The following TENM3 variants were observed in gnomAD, a reference collection of about 807,000 sequenced individuals.
The protein encoded by TENM3 is teneurin transmembrane protein 3.
Under a neutral mutation model 255.1 loss-of-function variants are expected in TENM3, and 63 were observed. The ratio of observed to expected loss-of-function variants is 0.25; its 90% CI spans 0.20 to 0.30. The LOEUF (loss-of-function observed/expected upper bound fraction) is 0.30. Ranked by LOEUF, TENM3 falls within the 10% of genes least tolerant of loss-of-function variation. TENM3 has a pLI of 1.00. For missense variants in TENM3, 2,929 were observed against 3,461.1 expected (o/e 0.85, Z 3.86); for synonymous variants, 1,306 against 1,322.3 (o/e 0.99, Z 0.27).
At chr4:182,758,620 A>C (rs1325509387) in intron 22 of TENM3, among the ~76,000 whole-genome samples, 1 of 152,166 alleles carries the variant, frequency 6.6e-6, no homozygotes, top group Non-Finnish European at 1.5e-5. Flanking sequence ...CGACTCCCAG[A>C]ATATTAGTAC....
the TENM3 span, among the ~76,000 whole-genome samples, chr4:182,070,069 A>G: frequency 4.6e-5 from 7 of 152,170 alleles, no homozygotes; most frequent in Non-Finnish European, 7.3e-5. Flanking sequence ...GTGTGGAGAT[A>G]CAGAGGCATG....
chr4:182,325,760 T>A (rs942355273), intron 2 of TENM3, among the ~76,000 whole-genome samples: 2 of 151,584 alleles, frequency 1.3e-5, no homozygotes, highest in African/African-American at 2.4e-5. Flanking sequence ...AATAAAAAAA[T>A]TAAAAAAACC....
chr4:182,294,093 T>A lies in TENM3; in HGVS notation c.-75-29853T>A, dbSNP rs187950002. On this transcript the variant is annotated intron_variant, in intron 1 of 27. Coordinates refer to ENST00000511685, the MANE Select transcript of TENM3 (RefSeq NM_001080477.4). ...GAAGCATTGGAGTCAGCATCACAGA[T>A]CCCTACCATCTGCGTCTCTGCCTTT... Among the ~76,000 whole-genome samples, 188 of 151,880 alleles carry A rather than the reference T, an allele frequency of 1.2e-3. 3 individuals carry two copies. In the Middle Eastern group the frequency reaches 0.017, roughly 14 times the overall value.
intron 5 of TENM3, among the ~76,000 whole-genome samples, chr4:182,650,140 C>A (rs959315898): frequency 6.0e-5 from 9 of 150,676 alleles, no homozygotes; most frequent in African/African-American, 2.2e-4. Context: ...TCCTGACACA[C>A]AGTGTTTGTT....
the TENM3 span, among the ~76,000 whole-genome samples, chr4:181,863,405 A>G: frequency 6.6e-6 from 1 of 152,210 alleles, no homozygotes; most frequent in East Asian, 1.9e-4. Context: ...GCATGAAGAA[A>G]CGCTCCATTG....
intron 3 of TENM3, among the ~76,000 whole-genome samples, chr4:182,531,457 A>G (rs570083252): frequency 1.3e-5 from 2 of 152,164 alleles, no homozygotes; most frequent in African/African-American, 4.8e-5. Context: ...AGTATTCACA[A>G]TGACCATAAA....
intron 3 of TENM3, among the ~76,000 whole-genome samples, chr4:182,505,574 G>A (rs1736728876): frequency 6.6e-6 from 1 of 152,028 alleles, no homozygotes; most frequent in Admixed American, 6.6e-5. Context: ...CACCTCCCAG[G>A]TTCAAGCGAT....
chr4:181,518,117 T>TA, the TENM3 span, among the ~76,000 whole-genome samples: 1 of 152,194 alleles, frequency 6.6e-6, no homozygotes, highest in Non-Finnish European at 1.5e-5. Flanking sequence ...TGACCTCCTT[T>TA]AGCATTTAAT....
the TENM3 span, among the ~76,000 whole-genome samples, chr4:181,749,025 G>A: frequency 6.6e-6 from 1 of 152,054 alleles, no homozygotes; most frequent in African/African-American, 2.4e-5. Context: ...CTAAAGTGAA[G>A]CATTTACTTT....
the TENM3 span, among the ~76,000 whole-genome samples, chr4:181,941,736 G>A: frequency 7.9e-5 from 12 of 152,062 alleles, no homozygotes; most frequent in Admixed American, 3.9e-4. Flanking sequence ...TGGGGTTCCC[G>A]AGGGTGAGGA....
intron 3 of TENM3, among the ~76,000 whole-genome samples, chr4:182,504,955 G>A (rs1736673259): frequency 6.6e-6 from 1 of 152,200 alleles, no homozygotes; most frequent in African/African-American, 2.4e-5. Context: ...TCAGCATGGT[G>A]ATATTGGGAG....
the TENM3 span, among the ~76,000 whole-genome samples, chr4:182,121,449 G>T: frequency 6.6e-6 from 1 of 152,116 alleles, no homozygotes; most frequent in Non-Finnish European, 1.5e-5. Flanking sequence ...TATGGAAGTG[G>T]TAAGACTAGG....
At chr4:182,722,052 T>A (rs1432983524) in intron 13 of TENM3, among the ~76,000 whole-genome samples, 3 of 152,186 alleles carry the variant, frequency 2.0e-5, no homozygotes, top group Non-Finnish European at 4.4e-5. Flanking sequence ...TCAGTTGATA[T>A]GACATAAATT....
At chr4:182,039,895 G>A in the TENM3 span, among the ~76,000 whole-genome samples, 1 of 144,998 alleles carries the variant, frequency 6.9e-6, no homozygotes, top group African/African-American at 2.6e-5. Context: ...AAATGGAAAC[G>A]AAAGGAGAGG....
At chr4:182,426,007 C>CAAAAAAAAAAA (rs55836889) in intron 3 of TENM3, among the ~76,000 whole-genome samples, 4 of 90,756 alleles carry the variant, frequency 4.4e-5, no homozygotes, top group African/African-American at 1.3e-4. Context: ...GAGTCCATGT[C>CAAAAAAAAAAA]AAAAAAAAAA....
At chr4:182,734,697 T>C (rs898818116) in intron 16 of TENM3, among the ~76,000 whole-genome samples, 11 of 152,206 alleles carry the variant, frequency 7.2e-5, no homozygotes, top group African/African-American at 2.4e-4. Context: ...AGAGTAGGCC[T>C]GATGGTTTAT....
the TENM3 span, among the ~76,000 whole-genome samples, chr4:181,986,730 G>A: frequency 1.3e-5 from 2 of 152,002 alleles, no homozygotes; most frequent in Non-Finnish European, 2.9e-5. Flanking sequence ...TTCTCCCTCA[G>A]TATGCTTTCT....
chr4:181,623,399 T>C, the TENM3 span, among the ~76,000 whole-genome samples: 47 of 152,364 alleles, frequency 3.1e-4, no homozygotes, highest in African/African-American at 1.1e-3. Context: ...CACAGGACAG[T>C]GTGAGCAGGT....
the TENM3 span, among the ~76,000 whole-genome samples, chr4:181,589,822 T>C: frequency 6.6e-6 from 1 of 152,204 alleles, no homozygotes; most frequent in Non-Finnish European, 1.5e-5. Context: ...CCGTACGTGA[T>C]TCTCTCAGCC....
Sources: gnomAD v4.1 joint callset for allele counts (sites outside exome capture counted in the v4.1 genomes callset) on GRCh38, gnomAD v4.1.1 for gene constraint, MANE v1.5 for transcripts, NCBI Gene and HGNC (gene_info 2026-07-23, HGNC 2026-07-21) for gene names.